HTR7: variants seen among roughly 807,000 people sequenced by gnomAD.
The protein encoded by HTR7 is 5-HT-7.
HTR7 carries 16 observed loss-of-function variants against 34.0 expected under a neutral mutation model. The ratio of observed to expected loss-of-function variants is 0.47; its 90% CI spans 0.32 to 0.71. HTR7 has a LOEUF of 0.71. Among genes scored for constraint, HTR7 ranks in the 30% least tolerant of loss-of-function variants. The pLI is 0.04. For missense variants in HTR7, 504 were observed against 625.5 expected (o/e 0.81, Z 2.07); for synonymous variants, 265 against 260.2 (o/e 1.02, Z -0.18).
chr10:90,828,223 G>A (rs369921162), intron 1 of HTR7, among the ~76,000 whole-genome samples: 2 of 152,154 alleles, frequency 1.3e-5, no homozygotes, highest in African/African-American at 4.8e-5. Context: ...AGTAATAAGA[G>A]AGAAGTTTAT....
intron 1 of HTR7, among the ~76,000 whole-genome samples, chr10:90,849,022 A>G (rs1846454640): frequency 6.6e-6 from 1 of 152,214 alleles, no homozygotes; most frequent in Non-Finnish European, 1.5e-5. Context: ...AAACACTCCT[A>G]AATAGCATTC....
chr10:90,820,243 A>G (rs1173326317), intron 1 of HTR7, among the ~76,000 whole-genome samples: 1 of 152,178 alleles, frequency 6.6e-6, no homozygotes, highest in Admixed American at 6.5e-5. Flanking sequence ...GAAATAATAA[A>G]GATTTTTAGG....
rs542111706 is a variant in HTR7 at position 90,751,769 on chromosome 10, C to T, written c.540-2175G>A. Among the ~76,000 whole-genome samples the T allele has an allele frequency of 3.9e-5, 6 of 152,242 alleles. No homozygotes were observed. The South Asian group carries it at 1.2e-3, about 32-fold the overall frequency. On this transcript the variant is annotated intron_variant, in intron 1 of 3. Transcript: ENST00000336152. ...CTGGAATTCACAACCTAGTAAACTC[C>T]TATTTTGAGGAAATCTGTTTTCTCT...
chr10:90,831,022 G>A (rs1158878107), intron 1 of HTR7, among the ~76,000 whole-genome samples: 2 of 152,108 alleles, frequency 1.3e-5, no homozygotes, highest in Non-Finnish European at 2.9e-5. Flanking sequence ...TCTCTATACC[G>A]TGGTTTTCTC....
chr10:90,774,923 T>A (rs921378330), intron 1 of HTR7, among the ~76,000 whole-genome samples: 1 of 152,136 alleles, frequency 6.6e-6, no homozygotes, highest in Non-Finnish European at 1.5e-5. Context: ...GGTAGAAATA[T>A]AAAATATACA....
intron 1 of HTR7, among the ~76,000 whole-genome samples, chr10:90,835,737 C>T (rs1428588358): frequency 6.6e-6 from 1 of 152,130 alleles, no homozygotes; most frequent in Non-Finnish European, 1.5e-5. Flanking sequence ...TACAATTCAG[C>T]ATGATGAGAG....
At position 90,779,710 on chromosome 10, in the gene HTR7, C is replaced by T. The variant is rs779312140; in HGVS notation, c.540-30116G>A. ...TGACACCCATAGTTAAATGATCTCA[C>T]CCAGAAAAAACATTTGTCATTTCTC... On this transcript the variant is annotated intron_variant, in intron 1 of 3. Transcript: ENST00000336152. Among the ~76,000 whole-genome samples the T allele has an allele frequency of 3.3e-5, 5 of 152,134 alleles. 1 individual carries two copies. Among genetic ancestry groups the T allele is most frequent in the Non-Finnish European group, 7.3e-5 (5 of 68,030 alleles).
intron 1 of HTR7, among the ~76,000 whole-genome samples, chr10:90,817,325 A>G (rs967719468): frequency 6.6e-6 from 1 of 152,152 alleles, no homozygotes; most frequent in Admixed American, 6.5e-5. Flanking sequence ...CCTAAGAGCT[A>G]AAAAGAAACT....
intron 2 of HTR7, 60 bp downstream of exon 2, chr10:90,748,779 T>C (rs1006725574): frequency 2.4e-5 from 36 of 1,513,206 alleles, no homozygotes; most frequent in Non-Finnish European, 3.1e-5. Context: ...GTGATGTGCC[T>C]CAAAAAGCTG....
intron 1 of HTR7, among the ~76,000 whole-genome samples, chr10:90,842,017 AAACAACAAC>A (rs139561779): frequency 1.3e-5 from 2 of 151,866 alleles, no homozygotes; most frequent in South Asian, 2.1e-4. Context: ...ACAAAAACAA[AAACAACAAC>A]AACAACAACA....
At chr10:90,841,216 GCA>G (rs1274100313) in intron 1 of HTR7, among the ~76,000 whole-genome samples, 4 of 152,212 alleles carry the variant, frequency 2.6e-5, no homozygotes, top group Non-Finnish European at 5.9e-5. Context: ...CTTGAGTAAT[GCA>G]CAGTTAAGAC....
chr10:90,842,879 A>G (rs927690778), intron 1 of HTR7, among the ~76,000 whole-genome samples: 4 of 152,164 alleles, frequency 2.6e-5, no homozygotes, highest in Admixed American at 2.6e-4. Context: ...TCTGCAGAAC[A>G]GGAAGTAACT....
chr10:90,820,628 C>A (rs1446086030), intron 1 of HTR7, among the ~76,000 whole-genome samples: 1 of 152,148 alleles, frequency 6.6e-6, no homozygotes, highest in East Asian at 1.9e-4. Context: ...AACATAGGTC[C>A]TACAAGACAG....
At chr10:90,775,176 T>A (rs1223087740) in intron 1 of HTR7, among the ~76,000 whole-genome samples, 1 of 152,250 alleles carries the variant, frequency 6.6e-6, no homozygotes, top group Non-Finnish European at 1.5e-5. Context: ...ATTTCATCCA[T>A]GTATTCATTG....
Position 90,857,817 on chromosome 10 carries a change from T to TCTCGGAGCCCCGCACTC in HTR7, c.-163_-147dup. The TCTCGGAGCCCCGCACTC allele has an allele frequency of 1.3e-6, 1 of 749,978 alleles. No homozygotes were observed. The highest frequency in any genetic ancestry group is 1.8e-6 in the Non-Finnish European group (1 of 544,966). The allele number at this position is 749,978 out of a possible 1,614,324, so 46.5% of individuals were successfully genotyped here. On this transcript the variant is annotated 5_prime_UTR_variant, in exon 1 of 4. Coordinates refer to ENST00000336152, the MANE Select transcript of HTR7 (RefSeq NM_019859.4). This position sits in a 1 kb window ranked among gnomAD's most constrained non-coding sequence, Gnocchi z 6.5. ...GACCGCTGGGGGGCGCCTGGCTCTG[T>TCTCGGAGCCCCGCACTC]CTCGGAGCCCCGCACTCCCCGGACC...
At chr10:90,826,222 A>C (rs1489051598) in intron 1 of HTR7, among the ~76,000 whole-genome samples, 1 of 152,166 alleles carries the variant, frequency 6.6e-6, no homozygotes, top group African/African-American at 2.4e-5. Context: ...AAGAAAAAAA[A>C]ACTTTTACCC....
chr10:90,811,446 C>T (rs1457963945), intron 1 of HTR7, among the ~76,000 whole-genome samples: 2 of 152,102 alleles, frequency 1.3e-5, no homozygotes, highest in African/African-American at 4.8e-5. Context: ...CATTTCCCCA[C>T]ATTTCCTTCT....
intron 1 of HTR7, among the ~76,000 whole-genome samples, chr10:90,768,311 C>G (rs1845053935): frequency 6.6e-6 from 1 of 152,174 alleles, no homozygotes; most frequent in African/African-American, 2.4e-5. Flanking sequence ...AACCCATTAT[C>G]CTCAGGTATC....
chr10:90,848,534 T>C (rs1846448098), intron 1 of HTR7, among the ~76,000 whole-genome samples: 2 of 152,196 alleles, frequency 1.3e-5, no homozygotes, highest in South Asian at 4.1e-4. Flanking sequence ...TTTGTAACCA[T>C]AAAATATTTA....
Sources: allele counts gnomAD v4.1 joint callset (sites outside exome capture counted in the v4.1 genomes callset), GRCh38; gene constraint gnomAD v4.1.1; non-coding constraint Gnocchi (gnomAD v3.1); transcripts MANE v1.5; gene names NCBI Gene and HGNC (gene_info 2026-07-23, HGNC 2026-07-21).